The following KIF21A variants were observed in gnomAD, a reference collection of about 807,000 sequenced individuals.
KIF21A encodes kinesin-like protein KIF21A.
A neutral mutation model predicts 202.9 loss-of-function variants in KIF21A; 114 were observed. The ratio of observed to expected loss-of-function variants is 0.56; its 90% CI spans 0.48 to 0.66. The LOEUF (loss-of-function observed/expected upper bound fraction) is 0.66. KIF21A is among the 30% of genes least tolerant of loss of function. KIF21A has a pLI of 0.00. For missense variants in KIF21A, 1,677 were observed against 1,994.9 expected, an observed-to-expected ratio of 0.84 and a Z score of 3.04; for synonymous variants, 667 against 670.8, an observed-to-expected ratio of 0.99 and a Z score of 0.09.
chr12:39,329,956 AAG>A (rs1946365625), intron 24 of KIF21A: 2 of 339,906 alleles, frequency 5.9e-6, no homozygotes, highest in Admixed American at 8.8e-5. Flanking sequence ...AAGGAAGAGA[AAG>A]AACACAGGGG....
intron 10 of KIF21A, among the ~76,000 whole-genome samples, chr12:39,356,356 A>T (rs982210774): frequency 1.3e-5 from 2 of 152,230 alleles, no homozygotes; most frequent in African/African-American, 4.8e-5. Flanking sequence ...ATGTTGTATG[A>T]AATGTGAATG....
At chr12:39,341,442 T>C in intron 14 of KIF21A, 63 bp downstream of exon 14, 2 of 1,497,488 alleles carry the variant, frequency 1.3e-6, no homozygotes, top group Non-Finnish European at 1.8e-6. Context: ...GTTAAGAGTT[T>C]TCTGTCATGG....
intron 9 of KIF21A, 24 bp downstream of exon 9, chr12:39,357,224 A>G: frequency 6.2e-7 from 1 of 1,608,944 alleles, no homozygotes; most frequent in Non-Finnish European, 8.5e-7. Flanking sequence ...TTAATCCCTC[A>G]CTTATCCCAC....
Position 39,324,687 on chromosome 12 carries a change from A to G in KIF21A, c.3456+1152T>C, listed in dbSNP as rs1435611045. ...CTTAGGCCCATATTCCCACACAGCA[A>G]AAATGAGCAAAACTTGATGGTGGCT... is the stretch of plus-strand genomic sequence containing the variant. On this transcript the variant is annotated intron_variant, in intron 26 of 37. Transcript: ENST00000361418. Among the ~76,000 whole-genome samples the G allele has an allele frequency of 4.6e-5, 7 of 152,218 alleles. No individual in the cohort carries two copies. The East Asian group carries it at 1.3e-3, about 29-fold the overall frequency.
At chr12:39,313,269 G>A (rs1944206925) in intron 31 of KIF21A, among the ~76,000 whole-genome samples, 2 of 151,710 alleles carry the variant, frequency 1.3e-5, no homozygotes, top group Non-Finnish European at 3.0e-5. Flanking sequence ...GGAAAAACGT[G>A]GAATTCAGAA....
chr12:39,351,933 T>C lies in KIF21A; in HGVS notation c.1517A>G (p.Asn506Ser). ...CGCTCTTGCTGTGGCTCTTGTCAAG[T>C]TTTTTCGAAGGTTCTCATTCACTGC... ...SEAVNENLRK[N>S]LTRATARAPY... Residue 506 changes from asparagine to serine, a missense_variant, in exon 11 of 38, where the codon AAC (asparagine) becomes AGC (serine). Transcript: ENST00000361418. 6.2e-7 allele frequency: 1 copy of C among 1,613,438 alleles called. No homozygotes were observed. Among genetic ancestry groups the C allele is most frequent in the Non-Finnish European group, 8.5e-7 (1 of 1,179,544 alleles).
intron 27 of KIF21A, among the ~76,000 whole-genome samples, chr12:39,320,570 T>C (rs1184739517): frequency 6.6e-6 from 1 of 151,838 alleles, no homozygotes; most frequent in Non-Finnish European, 1.5e-5. Flanking sequence ...AAATGCCAAA[T>C]GTCTGCTTGT....
At chr12:39,428,839 T>A (rs1954963224) in intron 1 of KIF21A, among the ~76,000 whole-genome samples, 1 of 151,788 alleles carries the variant, frequency 6.6e-6, no homozygotes, top group Admixed American at 6.6e-5. Context: ...ATGCCTGTAA[T>A]CCTAGCTACT....
chr12:39,310,655 A>G (rs1480587507), intron 32 of KIF21A, among the ~76,000 whole-genome samples: 2 of 151,988 alleles, frequency 1.3e-5, no homozygotes, highest in South Asian at 2.1e-4. Context: ...TTGATTATTC[A>G]TTCCTACCTG....
chr12:39,390,980 T>C (rs1244501322), intron 1 of KIF21A, among the ~76,000 whole-genome samples: 1 of 152,192 alleles, frequency 6.6e-6, no homozygotes, highest in Non-Finnish European at 1.5e-5. Context: ...ACTTCCTGCC[T>C]AGCCACAGCC....
intron 7 of KIF21A, among the ~76,000 whole-genome samples, chr12:39,361,782 A>T (rs1949251905): frequency 6.6e-6 from 1 of 152,178 alleles, no homozygotes; most frequent in Non-Finnish European, 1.5e-5. Flanking sequence ...CTGGGATCAC[A>T]GGCATGAGCC....
chr12:39,437,549 T>C (rs1203706517), intron 1 of KIF21A, among the ~76,000 whole-genome samples: 1 of 152,240 alleles, frequency 6.6e-6, no homozygotes, highest in Non-Finnish European at 1.5e-5. Flanking sequence ...GCATTTTGTA[T>C]CATTGTCTGT....
At chr12:39,397,432 A>T (rs182878180) in intron 1 of KIF21A, among the ~76,000 whole-genome samples, 52 of 151,128 alleles carry the variant, frequency 3.4e-4, no homozygotes, top group African/African-American at 1.2e-3. Context: ...CCCCCATCCA[A>T]ACCACCCCCC....
chr12:39,391,127 C>A (rs929864385), intron 1 of KIF21A, among the ~76,000 whole-genome samples: 15 of 152,270 alleles, frequency 9.9e-5, no homozygotes, highest in African/African-American at 3.4e-4. Flanking sequence ...GATTCCATCA[C>A]TGAAACACAA....
At chr12:39,424,074 T>C (rs952223411) in intron 1 of KIF21A, among the ~76,000 whole-genome samples, 4 of 151,702 alleles carry the variant, frequency 2.6e-5, no homozygotes, top group Non-Finnish European at 5.9e-5. Context: ...ACATGCATTA[T>C]TTGATACCAC....
intron 1 of KIF21A, among the ~76,000 whole-genome samples, chr12:39,394,577 G>A (rs1951597256): frequency 6.6e-6 from 1 of 152,158 alleles, no homozygotes. Context: ...AGATCTTAAA[G>A]ATCTTGGAAT....
At chr12:39,406,943 A>G (rs1422994973) in intron 1 of KIF21A, among the ~76,000 whole-genome samples, 4 of 152,212 alleles carry the variant, frequency 2.6e-5, no homozygotes, top group Non-Finnish European at 5.9e-5. Flanking sequence ...AATACAAGCT[A>G]TCAGAATAAA....
intron 7 of KIF21A, 21 bp downstream of exon 7, chr12:39,363,077 A>AGGATAATCATCTATGCAT: frequency 3.0e-6 from 4 of 1,351,982 alleles, no homozygotes; most frequent in Non-Finnish European, 4.3e-6. Context: ...GTCTGAGTAG[A>AGGATAATCATCTATGCAT]GGATAATCAT....
intron 37 of KIF21A, among the ~76,000 whole-genome samples, chr12:39,297,089 G>A (rs1942452175): frequency 6.6e-6 from 1 of 152,142 alleles, no homozygotes. Context: ...ACTTGATGAT[G>A]GATTAGATAT....
Sources: gnomAD v4.1 joint callset for allele counts (sites outside exome capture counted in the v4.1 genomes callset) on GRCh38, gnomAD v4.1.1 for gene constraint, MANE v1.5 for transcripts, NCBI Gene and HGNC (gene_info 2026-07-23, HGNC 2026-07-21) for gene names.